The following RAD23B variants were observed in gnomAD, a reference collection of about 807,000 sequenced individuals.
RAD23B encodes the protein RAD23 nucleotide excision repair protein B.
RAD23B carries 5 observed loss-of-function variants against 49.1 expected under a neutral mutation model. The observed-to-expected ratio is 0.10, with a 90% CI of 0.05 to 0.21. The LOEUF is 0.21. Ranked by LOEUF, RAD23B falls within the 10% of genes least tolerant of loss-of-function variation. RAD23B has a pLI of 1.00. For missense variants in RAD23B, 356 were observed against 486.7 expected, an observed-to-expected ratio of 0.73 and a Z score of 2.53; for synonymous variants, 184 against 165.4, an observed-to-expected ratio of 1.11 and a Z score of -0.86.
In RAD23B at chr9:107,306,424, G is replaced by C. The variant is rs1441579574; in HGVS notation, c.274G>C (p.Ala92Pro). ...AGCACCAGCTACAACTCAGCAGTCA[G>C]CTCCTGCCAGCACTACAGCAGTTAC... is the stretch of plus-strand genomic sequence containing the variant. ...TPAPATTQQS[A>P]PASTTAVTSS... The change falls in exon 4 of 10, where the codon GCT becomes CCT. Residue 92 changes from alanine (A) to proline (P), a missense_variant. By Grantham distance (27) the Ala-to-Pro change is conservative. Coordinates refer to ENST00000358015, the MANE Select transcript of RAD23B (RefSeq NM_002874.5). 6.2e-7 allele frequency: 1 copy of C among 1,614,150 alleles called. No homozygotes were observed. Among genetic ancestry groups the C allele is most frequent in the South Asian group, 1.1e-5 (1 of 91,082 alleles).
intron 1 of RAD23B, among the ~76,000 whole-genome samples, chr9:107,293,912 G>A (rs967661198): frequency 1.3e-5 from 2 of 152,156 alleles, no homozygotes; most frequent in African/African-American, 4.8e-5. Flanking sequence ...GCCTCCTGAG[G>A]TAACTGGGAC....
intron 9 of RAD23B, among the ~76,000 whole-genome samples, chr9:107,327,953 G>C (rs1321443491): frequency 6.6e-6 from 1 of 152,044 alleles, no homozygotes; most frequent in East Asian, 1.9e-4. Flanking sequence ...TTTGTCTATA[G>C]TAACAATTTT....
At chr9:107,287,844 A>AAC (rs1554739668) in intron 1 of RAD23B, among the ~76,000 whole-genome samples, 4 of 150,964 alleles carry the variant, frequency 2.6e-5, no homozygotes, top group Non-Finnish European at 4.5e-5. Flanking sequence ...CAAAAAAAAA[A>AAC]AAAAAACAAA....
rs115290359 is a variant in RAD23B, at chr9:107,294,708, G to A, written c.67-5433G>A. 4.2e-3 allele frequency among the ~76,000 whole-genome samples: 636 copies of A among 152,312 alleles called. 7 individuals are homozygous for A. Among genetic ancestry groups the A allele is most frequent in the African/African-American group, 0.015 (611 of 41,558 alleles). On this transcript the variant is annotated intron_variant, in intron 1 of 9. Coordinates refer to ENST00000358015, the MANE Select transcript of RAD23B (RefSeq NM_002874.5). Reference sequence around the variant, plus strand: ...GGTTTAAATACCTCTAGGACATCCCGTGAAGGTGTTCAGTAGAGAGTTAAG... The same window carrying A: ...GGTTTAAATACCTCTAGGACATCCCATGAAGGTGTTCAGTAGAGAGTTAAG...
At chr9:107,292,058 C>G (rs1833393053) in intron 1 of RAD23B, among the ~76,000 whole-genome samples, 1 of 152,126 alleles carries the variant, frequency 6.6e-6, no homozygotes, top group Admixed American at 6.5e-5. Flanking sequence ...TCCCTCTAGT[C>G]TTTTCAAAAA....
At chr9:107,324,611 C>T (rs1827168700) in intron 8 of RAD23B, among the ~76,000 whole-genome samples, 1 of 151,806 alleles carries the variant, frequency 6.6e-6, no homozygotes, top group Non-Finnish European at 1.5e-5. Context: ...GCTCAGAGCA[C>T]TTAAGAATTT....
intron 5 of RAD23B, among the ~76,000 whole-genome samples, chr9:107,314,687 A>G (rs901433330): frequency 4.6e-5 from 7 of 152,224 alleles, no homozygotes; most frequent in African/African-American, 1.4e-4. Context: ...GTATATATAC[A>G]TAGTAGTGGG....
At chr9:107,307,564 C>T (rs1367005495) in intron 4 of RAD23B, among the ~76,000 whole-genome samples, 2 of 152,166 alleles carry the variant, frequency 1.3e-5, no homozygotes, top group African/African-American at 2.4e-5. Context: ...TCTTTGGAGT[C>T]AGAATCAGAC....
intron 1 of RAD23B, among the ~76,000 whole-genome samples, chr9:107,297,364 A>C (rs1386707187): frequency 6.6e-6 from 1 of 151,736 alleles, no homozygotes; most frequent in Non-Finnish European, 1.5e-5. Context: ...TTTGAGACAG[A>C]ATCTTGCTCT....
At chr9:107,319,764 A>G (rs931855882) in intron 6 of RAD23B, among the ~76,000 whole-genome samples, 1 of 151,216 alleles carries the variant, frequency 6.6e-6, no homozygotes, top group African/African-American at 2.5e-5. Context: ...TCTTTTTTTT[A>G]CTGGTAATGG....
At chr9:107,302,748 C>T (rs1356519184) in intron 3 of RAD23B, among the ~76,000 whole-genome samples, 7 of 151,512 alleles carry the variant, frequency 4.6e-5, no homozygotes, top group Admixed American at 2.6e-4. Context: ...CTCTGTCTCC[C>T]GGGTTCATGC....
In RAD23B at chr9:107,302,019, T is replaced by C; in HGVS notation, c.149-16T>C. The C allele has an allele frequency of 6.2e-7, 1 of 1,607,082 alleles. No homozygotes were observed. Among genetic ancestry groups the C allele is most frequent in the Non-Finnish European group, 8.5e-7 (1 of 1,178,378 alleles). The stretch of plus-strand genomic sequence containing the variant: ...GATTATGCCTTAAATGATTTTTTTT[T>C]CTCTTAATGTATTAGGCAAAATCCT... On this transcript the variant is annotated splice_polypyrimidine_tract_variant and intron_variant, in intron 2 of 9. Coordinates refer to ENST00000358015, the MANE Select transcript of RAD23B (RefSeq NM_002874.5).
intron 1 of RAD23B, 81 bp from the exon 2 acceptor site, chr9:107,300,060 G>A: frequency 6.7e-7 from 1 of 1,490,658 alleles, no homozygotes; most frequent in South Asian, 1.3e-5. Flanking sequence ...TATAATTTTT[G>A]TCTTCCATTA....
At chr9:107,292,267 A>G (rs1175302135) in intron 1 of RAD23B, among the ~76,000 whole-genome samples, 1 of 152,210 alleles carries the variant, frequency 6.6e-6, no homozygotes, top group Non-Finnish European at 1.5e-5. Flanking sequence ...TTAGTATTGC[A>G]AAAAGCAATG....
intron 5 of RAD23B, among the ~76,000 whole-genome samples, chr9:107,313,938 T>TCTCCTTCCTTC (rs1229610593): frequency 4.6e-5 from 7 of 151,858 alleles, no homozygotes; most frequent in African/African-American, 1.7e-4. Context: ...TTCCTTCCTT[T>TCTCCTTCCTTC]CTCCTTCCTT....
At chr9:107,300,086 G>T (rs1348814358) in intron 1 of RAD23B, 55 bp from the exon 2 acceptor site, 2 of 1,570,372 alleles carry the variant, frequency 1.3e-6, no homozygotes, top group East Asian at 2.3e-5. Flanking sequence ...TCAGATTCTG[G>T]ATTGTCATTT....
chr9:107,319,721 A>T (rs1827072755), intron 6 of RAD23B, among the ~76,000 whole-genome samples: 1 of 152,112 alleles, frequency 6.6e-6, no homozygotes, highest in South Asian at 2.1e-4. Context: ...TTTTATAGTC[A>T]GTAGGAGTTG....
At position 107,332,080 on chromosome 9, in the gene RAD23B, A is replaced by G. The variant is rs577825450; in HGVS notation, c.*2424A>G. The G allele has an allele frequency of 7.0e-4, 188 of 269,366 alleles. No individual in the cohort carries two copies. The highest frequency in any genetic ancestry group is 3.9e-3 in the African/African-American group (178 of 45,784). The allele number at this position is 269,366 out of a possible 1,614,324, so 16.7% of individuals were successfully genotyped here. A position where few individuals can be genotyped will look rare whatever the true frequency, so the allele number is the denominator to read the frequency against. On this transcript the variant is annotated 3_prime_UTR_variant, in exon 10 of 10. Transcript: ENST00000358015. ...TTGTAAATTTCTTATGCCATCCTCT[A>G]GTCAAATTTTTTTTCATTGTTTAAA...
At chr9:107,319,374 C>T (rs574769112) in intron 6 of RAD23B, among the ~76,000 whole-genome samples, 13 of 152,042 alleles carry the variant, frequency 8.6e-5, no homozygotes, top group African/African-American at 2.7e-4. Flanking sequence ...TCGTGATCCG[C>T]CCGCCTCAGC....
Sources: allele counts gnomAD v4.1 joint callset (sites outside exome capture counted in the v4.1 genomes callset), GRCh38; gene constraint gnomAD v4.1.1; transcripts MANE v1.5; gene names NCBI Gene and HGNC (gene_info 2026-07-23, HGNC 2026-07-21).